CAPN9: variants seen among roughly 807,000 people sequenced by gnomAD.
CAPN9 encodes the protein calpain 9, also known as calpain-9.
CAPN9 carries 81 observed loss-of-function variants against 92.8 expected under a neutral mutation model. The observed-to-expected ratio is 0.87, with a 90% CI of 0.73 to 1.05. CAPN9 has a LOEUF of 1.05. Among genes scored for constraint, CAPN9 ranks in the 50% least tolerant of loss-of-function variants. The probability of loss-of-function intolerance (pLI) is 0.00; values close to 1 mark genes in which losing one functional copy is unlikely to be tolerated. For synonymous variants in CAPN9, 304 were observed against 328.0 expected (o/e 0.93, Z 0.79); for missense variants, 848 against 866.2 (o/e 0.98, Z 0.26).
chr1:230,789,635 C>T (rs1438740007), intron 13 of CAPN9, among the ~76,000 whole-genome samples: 2 of 152,122 alleles, frequency 1.3e-5, no homozygotes, highest in African/African-American at 2.4e-5. Context: ...AAATCAACTC[C>T]TAGGTCTTAA....
chr1:230,769,756 T>C (rs1316088802), intron 6 of CAPN9, among the ~76,000 whole-genome samples: 1 of 152,008 alleles, frequency 6.6e-6, no homozygotes, highest in East Asian at 1.9e-4. Context: ...CTACCACCCC[T>C]GAGACAGCAA....
At position 230,792,511 on chromosome 1, in the gene CAPN9, A is replaced by G; in HGVS notation, c.1791+17A>G. On this transcript the variant is annotated intron_variant, in intron 16 of 19. Coordinates refer to ENST00000271971, the MANE Select transcript of CAPN9 (RefSeq NM_006615.3). Reference sequence around the variant, plus strand: ...CAGTGGATTGTATGTAACCTGGAGCAGGGCTTGGCCTCTGGGGGACCCAGT... The same window carrying G: ...CAGTGGATTGTATGTAACCTGGAGCGGGGCTTGGCCTCTGGGGGACCCAGT... The G allele has an allele frequency of 6.2e-7, 1 of 1,607,264 alleles. No individual in the cohort carries two copies. The highest frequency in any genetic ancestry group is 8.5e-7 in the Non-Finnish European group (1 of 1,173,706).
At chr1:230,767,255 T>C (rs1185925303) in intron 4 of CAPN9, among the ~76,000 whole-genome samples, 1 of 152,142 alleles carries the variant, frequency 6.6e-6, no homozygotes, top group Non-Finnish European at 1.5e-5. Context: ...ATTCAGATGG[T>C]AAGTCGTAGA....
intron 3 of CAPN9, among the ~76,000 whole-genome samples, chr1:230,760,548 G>A (rs372902855): frequency 6.6e-6 from 1 of 152,222 alleles, no homozygotes; most frequent in African/African-American, 2.4e-5. Context: ...TAGCACAGAA[G>A]TGTTTCAAAG....
intron 13 of CAPN9, 144 bp downstream of exon 13, chr1:230,787,746 A>G: frequency 1.5e-6 from 1 of 675,116 alleles, no homozygotes; most frequent in Non-Finnish European, 2.6e-6. Flanking sequence ...AGCACTGATC[A>G]TTCAAGGCCC....
chr1:230,747,725 A>T lies in CAPN9; in HGVS notation c.213+16A>T. ...ACGACCAGGGGTGAGTGGGGCGAGC[A>T]GGGGAAGGAGCATAGATGAGGCCGA... is the stretch of plus-strand genomic sequence containing the variant. On this transcript the variant is annotated intron_variant, in intron 1 of 19. Coordinates refer to ENST00000271971, the MANE Select transcript of CAPN9 (RefSeq NM_006615.3). 1 of 1,612,284 alleles carries T rather than the reference A, an allele frequency of 6.2e-7. No homozygotes were observed. The highest frequency in any genetic ancestry group is 2.2e-5 in the East Asian group (1 of 44,850).
intron 5 of CAPN9, 82 bp downstream of exon 5, chr1:230,767,791 A>C: frequency 7.6e-7 from 1 of 1,314,790 alleles, no homozygotes. Context: ...GGGCTGTACC[A>C]GGTACCCCAG....
intron 13 of CAPN9, 37 bp downstream of exon 13, chr1:230,787,639 G>C: frequency 1.3e-6 from 2 of 1,556,908 alleles, no homozygotes; most frequent in Non-Finnish European, 1.8e-6. Context: ...CCACCAGGCT[G>C]AGGGCCTGGA....
chr1:230,771,059 T>C (rs1666358839), intron 6 of CAPN9, among the ~76,000 whole-genome samples: 1 of 152,214 alleles, frequency 6.6e-6, no homozygotes, highest in South Asian at 2.1e-4. Flanking sequence ...TTAGATCTTC[T>C]ACGTATTCCA....
At chr1:230,780,101 TG>T in intron 9 of CAPN9, 77 bp from the exon 10 acceptor site, 2 of 911,092 alleles carry the variant, frequency 2.2e-6, no homozygotes, top group Non-Finnish European at 3.4e-6. Context: ...TGTGTGTGTG[TG>T]TGTGTGTGTG....
intron 15 of CAPN9, 107 bp downstream of exon 15, chr1:230,792,035 C>T (rs954161444): frequency 1.3e-5 from 11 of 847,184 alleles, no homozygotes; most frequent in African/African-American, 1.0e-4. Context: ...CATCCTTAGC[C>T]AGCAGAATAG....
chr1:230,767,613 G>A lies in CAPN9; in HGVS notation c.609G>A (p.Val203=), dbSNP rs766970963. ...CCATGGAAGACTTCACTGGGGGTGT[G>A]GCAGAGACCTTCCAAACTAAAGAGG... is the stretch of plus-strand genomic sequence containing the variant. ...IEAMEDFTGG[V]AETFQTKEAP... is the part of the protein sequence containing the mutation. The change falls in exon 5 of 20, where the codon GTG becomes GTA. Residue 203 remains valine (V), a synonymous_variant. Transcript: ENST00000271971. 5 of 1,613,964 alleles carry A rather than the reference G, an allele frequency of 3.1e-6. No homozygotes were observed. Among genetic ancestry groups the A allele is most frequent in the Non-Finnish European group, 4.2e-6 (5 of 1,179,932 alleles).
At chr1:230,778,084 G>C (rs1008053138) in intron 8 of CAPN9, among the ~76,000 whole-genome samples, 3 of 151,656 alleles carry the variant, frequency 2.0e-5, no homozygotes, top group Non-Finnish European at 4.4e-5. Flanking sequence ...TCACATTCAC[G>C]TGCCCAAACC....
chr1:230,772,992 G>A lies in CAPN9; in HGVS notation c.875+893G>A, dbSNP rs138465467. ...GCTGTTGCTCGTCCGCTGCTTGTTG[G>A]GCTCCTGAAGCCCTTTCCTGCCACA... On this transcript the variant is annotated intron_variant, in intron 7 of 19. Coordinates refer to ENST00000271971, the MANE Select transcript of CAPN9 (RefSeq NM_006615.3). Among the ~76,000 whole-genome samples the A allele has an allele frequency of 9.1e-3, 1,387 of 152,024 alleles. 7 individuals are homozygous for A. Among genetic ancestry groups the A allele is most frequent in the Non-Finnish European group, 0.016 (1,085 of 67,994 alleles).
intron 13 of CAPN9, 129 bp from the exon 14 acceptor site, chr1:230,790,003 C>T: frequency 1.5e-6 from 1 of 671,812 alleles, no homozygotes; most frequent in Non-Finnish European, 2.6e-6. Context: ...GGTACATCTG[C>T]CCACAGCAGG....
chr1:230,747,725 A>C lies in CAPN9; in HGVS notation c.213+16A>C. The C allele has an allele frequency of 6.2e-7, 1 of 1,612,284 alleles. No individual in the cohort carries two copies. Among genetic ancestry groups the C allele is most frequent in the South Asian group, 1.1e-5 (1 of 91,008 alleles). On this transcript the variant is annotated intron_variant, in intron 1 of 19. Transcript: ENST00000271971. ...ACGACCAGGGGTGAGTGGGGCGAGCAGGGGAAGGAGCATAGATGAGGCCGA... is the reference window on the plus strand; with the variant it reads ...ACGACCAGGGGTGAGTGGGGCGAGCCGGGGAAGGAGCATAGATGAGGCCGA...
chr1:230,790,272 C>T (rs1450046487), intron 14 of CAPN9, 83 bp downstream of exon 14: 18 of 1,546,850 alleles, frequency 1.2e-5, no homozygotes, highest in Admixed American at 3.9e-5. Context: ...CCTGCTCCTC[C>T]GAGCCGCAGA....
intron 12 of CAPN9, among the ~76,000 whole-genome samples, chr1:230,786,924 C>T (rs1013553356): frequency 2.1e-4 from 32 of 151,870 alleles, no homozygotes; most frequent in African/African-American, 7.5e-4. Flanking sequence ...CTGGAGGACT[C>T]GCAAGAGGCC....
In CAPN9 at chr1:230,772,082, C is replaced by G. The variant is rs200742141; in HGVS notation, c.858C>G (p.Asn286Lys). Reference sequence around the variant, plus strand: ...ACCCTTGGGGCCAGGTTGAGTGGAACGGGTCGTGGAGCGACAGGTCAGTCA... The same window carrying G: ...ACCCTTGGGGCCAGGTTGAGTGGAAGGGGTCGTGGAGCGACAGGTCAGTCA... The part of the protein sequence containing the change: ...IRNPWGQVEW[N>K]GSWSDSSPEW... Residue 286 changes from asparagine (N) to lysine (K), a missense_variant, in exon 7 of 20, where the codon AAC (asparagine) becomes AAG (lysine). Transcript: ENST00000271971. 6.2e-7 allele frequency: 1 copy of G among 1,614,138 alleles called. No individual in the cohort carries two copies. Among genetic ancestry groups the G allele is most frequent in the Admixed American group, 1.7e-5 (1 of 60,032 alleles).
Sources: allele counts gnomAD v4.1 joint callset (sites outside exome capture counted in the v4.1 genomes callset), GRCh38; gene constraint gnomAD v4.1.1; transcripts MANE v1.5; gene names NCBI Gene and HGNC (gene_info 2026-07-23, HGNC 2026-07-21).